The following SEL1L3 variants were observed in gnomAD, a reference collection of about 807,000 sequenced individuals.
SEL1L3 encodes the protein protein sel-1 homolog 3.
A neutral mutation model predicts 142.8 loss-of-function variants in SEL1L3; 76 were observed. The observed-to-expected ratio is 0.53, with a 90% CI of 0.44 to 0.64. The LOEUF (loss-of-function observed/expected upper bound fraction) is 0.64, where lower values mean the gene tolerates loss of function less well. SEL1L3 is among the 30% of genes least tolerant of loss of function. The probability of loss-of-function intolerance (pLI) is 0.00; values close to 1 mark genes in which losing one functional copy is unlikely to be tolerated. For synonymous variants in SEL1L3, 504 were observed against 519.6 expected (o/e 0.97, Z 0.41); for missense variants, 1,262 against 1,381.7 (o/e 0.91, Z 1.37).
the SEL1L3 span, among the ~76,000 whole-genome samples, chr4:25,740,801 C>T: frequency 4.6e-5 from 7 of 151,904 alleles, no homozygotes; most frequent in Non-Finnish European, 1.0e-4. Context: ...CTTTTTTTTC[C>T]TGAGATAAGA....
chr4:25,767,722 A>C lies in SEL1L3; in HGVS notation c.2760+18T>G. The C allele has an allele frequency of 6.5e-7, 1 of 1,527,948 alleles. No individual in the cohort carries two copies. The highest frequency in any genetic ancestry group is 9.0e-7 in the Non-Finnish European group (1 of 1,116,964). 94.6% of individuals were successfully genotyped at this position (1,527,948 alleles called of 1,614,324 possible). A position where few individuals can be genotyped will look rare whatever the true frequency, so the allele number is the denominator to read the frequency against. ...TTAACCTCAGAGCTTCTACTCTGAG[A>C]AGAATACATTTACTTACTGGCCTCT... On this transcript the variant is annotated intron_variant, in intron 18 of 23. Transcript: ENST00000399878.
chr4:25,783,267 C>T (rs898729631), intron 14 of SEL1L3, among the ~76,000 whole-genome samples: 1 of 152,164 alleles, frequency 6.6e-6, no homozygotes, highest in East Asian at 1.9e-4. Flanking sequence ...AGTTGGAGTA[C>T]AAATCAGGGG....
At chr4:25,833,899 TA>T (rs1310172059) in intron 3 of SEL1L3, among the ~76,000 whole-genome samples, 1 of 152,166 alleles carries the variant, frequency 6.6e-6, no homozygotes, top group Non-Finnish European at 1.5e-5. Flanking sequence ...AGACATAGAT[TA>T]AAAAAATCTG....
At chr4:25,731,652 G>A in the SEL1L3 span, among the ~76,000 whole-genome samples, 1 of 152,200 alleles carries the variant, frequency 6.6e-6, no homozygotes, top group East Asian at 1.9e-4. Flanking sequence ...TGTTACGTGT[G>A]TATTAATAGT....
chr4:25,838,362 T>C (rs1404257493), intron 2 of SEL1L3, among the ~76,000 whole-genome samples: 2 of 152,204 alleles, frequency 1.3e-5, no homozygotes, highest in African/African-American at 4.8e-5. Flanking sequence ...CCTCAAATTT[T>C]AGAGCAAGAA....
At chr4:25,777,712 A>G (rs560651790) in intron 16 of SEL1L3, 9 of 413,788 alleles carry the variant, frequency 2.2e-5, no homozygotes, top group African/African-American at 6.2e-5. Context: ...CAAAACATGA[A>G]TATTCATGTC....
At chr4:25,762,618 A>G (rs535113488) in intron 20 of SEL1L3, among the ~76,000 whole-genome samples, 1 of 152,362 alleles carries the variant, frequency 6.6e-6, no homozygotes, top group Admixed American at 6.5e-5. Context: ...GGCAGCTATT[A>G]GGGTTAATAA....
In SEL1L3 at chr4:25,835,320, A is replaced by G. The variant is rs772780963; in HGVS notation, c.737T>C (p.Val246Ala). 1.3e-5 allele frequency: 21 copies of G among 1,613,572 alleles called. No homozygotes were observed. Residue 246 changes from valine to alanine, a missense_variant, in exon 3 of 24, where the codon GTG becomes GCG. Transcript: ENST00000399878. Reference protein sequence around the residue: ...RIPQCPLENDVVALLGFPYAS... With the variant: ...RIPQCPLENDAVALLGFPYAS... ...ATAAGGAAAGCCAAGCAGGGCAACC[A>G]CATCTGCAAACAGCAAAATGGCTCC...
At chr4:25,818,459 C>G (rs994896847) in intron 8 of SEL1L3, among the ~76,000 whole-genome samples, 181 bp from the exon 9 acceptor site, 1 of 152,150 alleles carries the variant, frequency 6.6e-6, no homozygotes, top group South Asian at 2.1e-4. Context: ...AATTCAGAGC[C>G]AAGTCCATGA....
rs868373785 is a variant in SEL1L3, at chr4:25,809,052, G to A, written c.1565-4300C>T. The stretch of plus-strand genomic sequence containing the variant: ...CGCGCCACTGCACTCCAGCCTGGGC[G>A]ACAGAGTGAGACTCTGTCTCAAAAA... On this transcript the variant is annotated intron_variant, in intron 9 of 23. Coordinates refer to ENST00000399878, the MANE Select transcript of SEL1L3 (RefSeq NM_015187.5). Among the ~76,000 whole-genome samples the A allele has an allele frequency of 2.5e-4, 35 of 138,212 alleles. No homozygotes were observed. The East Asian group carries it at 3.6e-3, about 14-fold the overall frequency. 90.7% of individuals were successfully genotyped at this position (138,212 alleles called of 152,430 possible). A position where few individuals can be genotyped will look rare whatever the true frequency, so the allele number is the denominator to read the frequency against.
chr4:25,781,506 T>G (rs549935594), intron 15 of SEL1L3, among the ~76,000 whole-genome samples: 1 of 152,236 alleles, frequency 6.6e-6, no homozygotes, highest in East Asian at 1.9e-4. Context: ...GGCGTGGTGG[T>G]GCACGCCTGT....
chr4:25,825,732 T>A (rs998503293), intron 6 of SEL1L3, among the ~76,000 whole-genome samples: 1 of 138,876 alleles, frequency 7.2e-6, no homozygotes, highest in Non-Finnish European at 1.5e-5. Flanking sequence ...TGGAGTGCAG[T>A]GGCGCAATCT....
At chr4:25,759,209 A>G in intron 20 of SEL1L3, 141 bp from the exon 21 acceptor site, 1 of 806,886 alleles carries the variant, frequency 1.2e-6, no homozygotes, top group Non-Finnish European at 1.9e-6. Context: ...ATCTTCATTG[A>G]TGAATTGTTT....
At chr4:25,862,609 C>T in intron 1 of SEL1L3, 66 bp downstream of exon 1, 2 of 900,378 alleles carry the variant, frequency 2.2e-6, no homozygotes, top group Non-Finnish European at 2.9e-6. Flanking sequence ...GTGTCCCCGG[C>T]CGCCCCCACC....
chr4:25,821,277 T>C (rs796932854), intron 7 of SEL1L3, among the ~76,000 whole-genome samples: 9 of 152,356 alleles, frequency 5.9e-5, no homozygotes, highest in African/African-American at 2.2e-4. Context: ...CCCCTGTTTT[T>C]CTCAGAATAA....
chr4:25,758,788 A>G (rs985061359), intron 21 of SEL1L3, among the ~76,000 whole-genome samples, 153 bp downstream of exon 21: 1 of 151,840 alleles, frequency 6.6e-6, no homozygotes, highest in Non-Finnish European at 1.5e-5. Flanking sequence ...TGCTGGGATT[A>G]CAAGTATGAG....
In SEL1L3 at chr4:25,847,506, C is replaced by CGTACT; in HGVS notation, c.516_520dup (p.Arg174GlnfsTer27). 6.2e-7 allele frequency: 1 copy of CGTACT among 1,613,880 alleles called. No homozygotes were observed. Among genetic ancestry groups the CGTACT allele is most frequent in the Non-Finnish European group, 8.5e-7 (1 of 1,179,804 alleles). ...ACTGTATTTGTGAGTAATCCAGGCG[C>CGTACT]GTACTATCACTGCAGATACAGAGAT... On this transcript the variant is annotated frameshift_variant, in exon 2 of 24. Transcript: ENST00000399878. LOFTEE classifies it high-confidence loss of function.
chr4:25,828,144 T>C (rs1715210166), intron 6 of SEL1L3, among the ~76,000 whole-genome samples: 1 of 152,206 alleles, frequency 6.6e-6, no homozygotes, highest in African/African-American at 2.4e-5. Flanking sequence ...AATGCAGCTA[T>C]TAAGCCACCC....
At position 25,838,346 on chromosome 4, in the gene SEL1L3, T is replaced by C. The variant is rs542917448; in HGVS notation, c.734-3023A>G. 3.9e-5 allele frequency among the ~76,000 whole-genome samples: 6 copies of C among 152,320 alleles called. No individual in the cohort carries two copies. The East Asian group carries it at 1.2e-3, about 29-fold the overall frequency. ...GGAACCCTTTGCTGTTTTGCTTGTA[T>C]TATTTCCTCAAATTTTAGAGCAAGA... On this transcript the variant is annotated intron_variant, in intron 2 of 23. Transcript: ENST00000399878.
Sources: allele counts gnomAD v4.1 joint callset (sites outside exome capture counted in the v4.1 genomes callset), GRCh38; gene constraint gnomAD v4.1.1; transcripts MANE v1.5; gene names NCBI Gene and HGNC (gene_info 2026-07-23, HGNC 2026-07-21).